TRMT44: variants seen among roughly 807,000 people sequenced by gnomAD.
TRMT44 encodes tRNA methyltransferase 44 homolog.
In TRMT44, 78 loss-of-function variants were observed where a neutral mutation model predicts 77.3. The ratio of observed to expected loss-of-function variants is 1.01; its 90% CI spans 0.84 to 1.22. TRMT44 has a LOEUF of 1.22. Ranked by LOEUF, TRMT44 falls within the 50% of genes most tolerant of loss-of-function variation. The probability of loss-of-function intolerance (pLI) is 0.00; values close to 1 mark genes in which losing one functional copy is unlikely to be tolerated. For synonymous variants in TRMT44, 391 were observed against 383.3 expected (o/e 1.02, Z -0.23); for missense variants, 1,090 against 964.4 (o/e 1.13, Z -1.73).
chr4:8,448,110 TC>T (rs1418847736), intron 2 of TRMT44, among the ~76,000 whole-genome samples: 4 of 152,064 alleles, frequency 2.6e-5, no homozygotes, highest in Non-Finnish European at 5.9e-5. Flanking sequence ...GCCCCCACCT[TC>T]CCAGGGTGGC....
Position 8,472,986 on chromosome 4 carries a change from G to T in TRMT44, c.2044+1786G>T, listed in dbSNP as rs144626561. Among the ~76,000 whole-genome samples, 590 of 152,228 alleles carry T rather than the reference G, an allele frequency of 3.9e-3. 4 individuals are homozygous for T. The highest frequency in any genetic ancestry group is 0.014 in the African/African-American group (571 of 41,518). ...AGTGTTTTTCTGTGCAGGTCACCCT[G>T]GGGGGGCAAACTTGTTTTTGGAAAC... On this transcript the variant is annotated intron_variant, in intron 10 of 10. Transcript: ENST00000389737.
rs538676761 is a variant in TRMT44 at position 8,489,541 on chromosome 4, A to G, written n.3892-3725A>G. On this transcript the variant is annotated intron_variant and non_coding_transcript_variant, in intron 2 of 2. Coordinates refer to the TRMT44 transcript ENST00000511366. ...ACCCAGGCTGGAGTTCAGTGGCACAATCTCGGCTCACTGCAACCTCCGCCT... is the reference window on the plus strand; with the variant it reads ...ACCCAGGCTGGAGTTCAGTGGCACAGTCTCGGCTCACTGCAACCTCCGCCT... 1.3e-4 allele frequency among the ~76,000 whole-genome samples: 20 copies of G among 152,262 alleles called. No individual in the cohort carries two copies. The South Asian group carries it at 3.9e-3, about 30-fold the overall frequency.
In TRMT44 at chr4:8,441,234, C is replaced by T. The variant is rs549393245; in HGVS notation, c.412C>T (p.Pro138Ser). Residue 138 changes from proline to serine, a missense_variant, in exon 1 of 11, where the codon CCC becomes TCC. Coordinates refer to ENST00000389737, the MANE Select transcript of TRMT44 (RefSeq NM_152544.3). ...GHAEGREGDFPAADLDSLWED... is the reference protein window; with the variant it reads ...GHAEGREGDFSAADLDSLWED... Reference sequence around the variant, plus strand: ...TGCTGAAGGAAGGGAGGGCGACTTCCCCGCCGCAGATCTGGATTCGCTTTG... The same window carrying T: ...TGCTGAAGGAAGGGAGGGCGACTTCTCCGCCGCAGATCTGGATTCGCTTTG... 25 of 1,535,588 alleles carry T rather than the reference C, an allele frequency of 1.6e-5. No individual in the cohort carries two copies. In the South Asian group the frequency reaches 2.5e-4, roughly 15 times the overall value.
intron 2 of TRMT44, among the ~76,000 whole-genome samples, chr4:8,483,642 T>C (rs1727705482): frequency 6.6e-6 from 1 of 152,196 alleles, no homozygotes; most frequent in Non-Finnish European, 1.5e-5. Flanking sequence ...TGTTCTACTT[T>C]TCCTGAAGAC....
chr4:8,514,224 C>T, the TRMT44 span, among the ~76,000 whole-genome samples: 1 of 151,434 alleles, frequency 6.6e-6, no homozygotes, highest in Admixed American at 6.6e-5. Context: ...AGACTATGCA[C>T]CCACAGGACG....
chr4:8,456,255 G>C (rs1311647328), intron 6 of TRMT44, among the ~76,000 whole-genome samples: 3 of 152,154 alleles, frequency 2.0e-5, no homozygotes, highest in Non-Finnish European at 4.4e-5. Context: ...GTGTGACACC[G>C]ATCACCTCTG....
the TRMT44 span, among the ~76,000 whole-genome samples, chr4:8,505,835 G>A: frequency 8.5e-5 from 13 of 152,278 alleles, no homozygotes; most frequent in Admixed American, 7.8e-4. Flanking sequence ...GATAGTGAGG[G>A]AGTTCTCATG....
At chr4:8,443,221 A>G (rs1194363229) in intron 1 of TRMT44, among the ~76,000 whole-genome samples, 1 of 152,060 alleles carries the variant, frequency 6.6e-6, no homozygotes, top group Non-Finnish European at 1.5e-5. Flanking sequence ...AATCTTAACC[A>G]TTTTACGTTG....
chr4:8,451,148 A>G lies in TRMT44; in HGVS notation c.955-812A>G, dbSNP rs1725424041. On this transcript the variant is annotated intron_variant, in intron 3 of 10. Coordinates refer to ENST00000389737, the MANE Select transcript of TRMT44 (RefSeq NM_152544.3). This position sits in a 1 kb window ranked among gnomAD's most constrained non-coding sequence, Gnocchi z 4.1. ...CACAGGCTTAAAGCTGTGACCTTTC[A>G]TTATTGCTGAAGCACCTGTGGGTCC... Among the ~76,000 whole-genome samples, 1 of 152,006 alleles carries G rather than the reference A, an allele frequency of 6.6e-6. No individual in the cohort carries two copies.
chr4:8,446,618 T>G lies in TRMT44; in HGVS notation c.734+28T>G. The G allele has an allele frequency of 1.4e-6, 2 of 1,454,814 alleles. No individual in the cohort carries two copies. The highest frequency in any genetic ancestry group is 1.9e-6 in the Non-Finnish European group (2 of 1,079,088). 90.1% of individuals were successfully genotyped at this position (1,454,814 alleles called of 1,614,324 possible). On this transcript the variant is annotated intron_variant, in intron 2 of 10. Transcript: ENST00000389737. This position sits in a 1 kb window ranked among gnomAD's most constrained non-coding sequence, Gnocchi z 4.3. ...AAGAGCTGGACAGTGGACTCCTAGT[T>G]TTATGGTTTCCATTGAGGATTTCTT...
chr4:8,458,347 TCTC>T (rs767381084), intron 6 of TRMT44, among the ~76,000 whole-genome samples: 1 of 152,096 alleles, frequency 6.6e-6, no homozygotes, highest in African/African-American at 2.4e-5. Context: ...TTCTCTTCCT[TCTC>T]CTCCTCAGCC....
chr4:8,443,511 G>A (rs1030102677), intron 1 of TRMT44, among the ~76,000 whole-genome samples: 30 of 152,182 alleles, frequency 2.0e-4, no homozygotes, highest in Non-Finnish European at 1.5e-5. Flanking sequence ...AGGTTATAGA[G>A]CCTCTCTGTG....
At chr4:8,479,820 CTTTT>C (rs199863189), downstream of TRMT44, among the ~76,000 whole-genome samples, 2 of 149,768 alleles carry the variant, frequency 1.3e-5, no homozygotes, top group African/African-American at 4.9e-5. Flanking sequence ...ATTTTTGACT[CTTTT>C]TTAATAACAG....
chr4:8,505,006 A>G, the TRMT44 span, among the ~76,000 whole-genome samples: 2 of 151,704 alleles, frequency 1.3e-5, no homozygotes, highest in Non-Finnish European at 2.9e-5. Flanking sequence ...TGCTGCCCCC[A>G]GCCGCAGAGG....
chr4:8,473,397 T>G (rs568152056), intron 10 of TRMT44: 2 of 152,324 alleles, frequency 1.3e-5, no homozygotes, highest in Non-Finnish European at 2.9e-5. Flanking sequence ...TCCTTGAACA[T>G]GTAGACAAGT....
rs752910374 is a variant in TRMT44 at position 8,475,857 on chromosome 4, C to T, written c.2130C>T (p.Leu710=). ...AACCGGAAGCGAAACAGAGACTGCT[C>T]TCTGAAGCCTGCAAAACCCGCCTCT... The part of the protein sequence containing the change: ...TKQPEAKQRL[L]SEACKTRLCW... The change falls in exon 11 of 11, where the codon CTC becomes CTT. Residue 710 remains leucine (L), a synonymous_variant. Coordinates refer to ENST00000389737, the MANE Select transcript of TRMT44 (RefSeq NM_152544.3). 2.5e-6 allele frequency: 4 copies of T among 1,614,224 alleles called. No homozygotes were observed. Among genetic ancestry groups the T allele is most frequent in the Admixed American group, 1.7e-5 (1 of 60,034 alleles).
chr4:8,453,836 C>T (rs1487001388), intron 5 of TRMT44: 1 of 152,208 alleles, frequency 6.6e-6, no homozygotes, highest in Non-Finnish European at 1.5e-5. Context: ...TGATTATCTT[C>T]CTGCTATGCT....
chr4:8,467,082 C>T (rs940272009), intron 8 of TRMT44, among the ~76,000 whole-genome samples: 5 of 152,182 alleles, frequency 3.3e-5, no homozygotes, highest in African/African-American at 1.2e-4. Context: ...TGAAGGGCAC[C>T]CTCCATCGGG....
chr4:8,469,797 G>A (rs991483096), intron 9 of TRMT44, among the ~76,000 whole-genome samples: 15 of 152,260 alleles, frequency 9.9e-5, no homozygotes, highest in Middle Eastern at 3.2e-3. Context: ...GCCCACAGGC[G>A]GCCTTCAGGG....
Sources: allele counts gnomAD v4.1 joint callset (sites outside exome capture counted in the v4.1 genomes callset), GRCh38; gene constraint gnomAD v4.1.1; non-coding constraint Gnocchi (gnomAD v3.1); transcripts MANE v1.5; gene names NCBI Gene and HGNC (gene_info 2026-07-23, HGNC 2026-07-21).